JMJD1C: variants seen among roughly 807,000 people sequenced by gnomAD.
JMJD1C encodes the protein jumonji domain-containing protein 1C.
Under a neutral mutation model 245.3 loss-of-function variants are expected in JMJD1C, and 31 were observed. The observed-to-expected ratio is 0.13, with a 90% CI of 0.09 to 0.17. The LOEUF is 0.17. Among genes scored for constraint, JMJD1C ranks in the 10% least tolerant of loss-of-function variants. The probability of loss-of-function intolerance (pLI) is 1.00; values close to 1 mark genes in which losing one functional copy is unlikely to be tolerated. For synonymous variants in JMJD1C, 1,057 were observed against 1,017.4 expected (o/e 1.04, Z -0.74); for missense variants, 2,691 against 3,000.2 (o/e 0.90, Z 2.41).
chr10:63,318,662 A>C (rs1338131899), intron 2 of JMJD1C, among the ~76,000 whole-genome samples: 1 of 152,132 alleles, frequency 6.6e-6, no homozygotes, highest in African/African-American at 2.4e-5. Flanking sequence ...TGATTTTCTA[A>C]ACAAACTGGA....
chr10:63,254,416 T>C (rs1419731136), intron 3 of JMJD1C, among the ~76,000 whole-genome samples: 3 of 152,132 alleles, frequency 2.0e-5, no homozygotes, highest in Non-Finnish European at 2.9e-5. Flanking sequence ...AGGAAAGATA[T>C]TAACTATAAG....
chr10:63,489,993 CTG>C (rs1954116297), intron 1 of JMJD1C, among the ~76,000 whole-genome samples: 1 of 152,220 alleles, frequency 6.6e-6, no homozygotes, highest in Non-Finnish European at 1.5e-5. Context: ...CAGGAGGACA[CTG>C]TGAACTGAGC....
At chr10:63,186,193 A>G (rs761154328) in intron 19 of JMJD1C, 22 bp downstream of exon 19, 3 of 1,564,596 alleles carry the variant, frequency 1.9e-6, no homozygotes, top group Non-Finnish European at 1.7e-6. Context: ...TGGAGAAAAT[A>G]GTAAAATAAA....
intron 3 of JMJD1C, among the ~76,000 whole-genome samples, chr10:63,239,533 T>C (rs1173910999): frequency 6.6e-6 from 1 of 152,042 alleles, no homozygotes; most frequent in South Asian, 2.1e-4. Flanking sequence ...CAACCTCCGT[T>C]TCCTGGGTTC....
chr10:63,490,413 A>ATTTTTTTT (rs1487214754), intron 1 of JMJD1C, among the ~76,000 whole-genome samples: 1 of 123,650 alleles, frequency 8.1e-6, no homozygotes, highest in Non-Finnish European at 1.9e-5. Flanking sequence ...ATAATTATTT[A>ATTTTTTTT]TTTATTTTAT....
At chr10:63,261,351 G>A (rs939046682) in intron 3 of JMJD1C, among the ~76,000 whole-genome samples, 7 of 152,126 alleles carry the variant, frequency 4.6e-5, no homozygotes, top group South Asian at 4.1e-4. Flanking sequence ...AGGCCAAGGC[G>A]GGGTGGATCA....
chr10:63,317,376 G>C (rs1940217658), intron 2 of JMJD1C, among the ~76,000 whole-genome samples: 2 of 151,990 alleles, frequency 1.3e-5, no homozygotes, highest in African/African-American at 4.8e-5. Flanking sequence ...ACAGTGGCGT[G>C]TGCCTGTAAT....
At chr10:63,461,483 A>G (rs1053766468) in intron 1 of JMJD1C, among the ~76,000 whole-genome samples, 1 of 152,186 alleles carries the variant, frequency 6.6e-6, no homozygotes, top group Non-Finnish European at 1.5e-5. Context: ...GTGTAGACCC[A>G]AAAACAAAAA....
chr10:63,476,673 G>A (rs1451959170), intron 1 of JMJD1C, among the ~76,000 whole-genome samples: 1 of 152,126 alleles, frequency 6.6e-6, no homozygotes, highest in Non-Finnish European at 1.5e-5. Context: ...ACGCTGCAGT[G>A]AGTCATGATC....
chr10:63,321,911 T>G (rs1263477030), intron 2 of JMJD1C, among the ~76,000 whole-genome samples: 2 of 152,214 alleles, frequency 1.3e-5, no homozygotes, highest in African/African-American at 2.4e-5. Flanking sequence ...TCCACCAACC[T>G]AGGGGATTTC....
chr10:63,376,049 A>C (rs1440626524), intron 2 of JMJD1C, among the ~76,000 whole-genome samples: 1 of 152,230 alleles, frequency 6.6e-6, no homozygotes, highest in African/African-American at 2.4e-5. Context: ...ACTACAAAGC[A>C]ACAGTAATCA....
intron 2 of JMJD1C, among the ~76,000 whole-genome samples, chr10:63,320,959 G>A (rs894370589): frequency 6.6e-6 from 1 of 152,132 alleles, no homozygotes; most frequent in African/African-American, 2.4e-5. Flanking sequence ...GAGAGGAGAG[G>A]GGCTGAATTG....
At chr10:63,221,034 C>T (rs972735480) in intron 3 of JMJD1C, among the ~76,000 whole-genome samples, 3 of 148,686 alleles carry the variant, frequency 2.0e-5, no homozygotes, top group Non-Finnish European at 4.5e-5. Flanking sequence ...TGGTGTGAAC[C>T]GGAAGGTGGC....
chr10:63,484,486 G>T (rs1251193058), intron 1 of JMJD1C, among the ~76,000 whole-genome samples: 1 of 151,918 alleles, frequency 6.6e-6, no homozygotes, highest in African/African-American at 2.4e-5. Context: ...CCACTTCAGA[G>T]CAAGCACAGC....
chr10:63,497,192 AGAAAT>A (rs1010660575), intron 1 of JMJD1C, among the ~76,000 whole-genome samples: 7 of 152,170 alleles, frequency 4.6e-5, no homozygotes, highest in Admixed American at 6.5e-5. Context: ...AACACCCAAA[AGAAAT>A]GAAAACATAT....
Position 63,168,074 on chromosome 10 carries a change from C to T in JMJD1C, c.7594G>A (p.Asp2532Asn). Reference protein sequence around the residue: ...EMVRALKIHEDEVEDMEEN With the variant: ...EMVRALKIHENEVEDMEEN Reference sequence around the variant, plus strand: ...TTTTCTTCCATATCCTCTACTTCATCCTCGTGTATCTTCAAGGCTCTCACC... The same window carrying T: ...TTTTCTTCCATATCCTCTACTTCATTCTCGTGTATCTTCAAGGCTCTCACC... The change falls in exon 26 of 26, where the codon GAT (aspartate) becomes AAT (asparagine). Residue 2532 changes from aspartate to asparagine, a missense_variant. Transcript: ENST00000399262. 6.2e-7 allele frequency: 1 copy of T among 1,603,472 alleles called. No individual in the cohort carries two copies. Among genetic ancestry groups the T allele is most frequent in the South Asian group, 1.1e-5 (1 of 90,814 alleles).
intron 1 of JMJD1C, among the ~76,000 whole-genome samples, chr10:63,452,783 T>C (rs1021476573): frequency 1.1e-4 from 17 of 152,226 alleles, no homozygotes; most frequent in African/African-American, 3.6e-4. Flanking sequence ...CAGATAAACC[T>C]TGACATTATG....
chr10:63,475,053 G>A (rs892747004), intron 1 of JMJD1C, among the ~76,000 whole-genome samples: 1 of 152,098 alleles, frequency 6.6e-6, no homozygotes, highest in Admixed American at 6.5e-5. Flanking sequence ...ATGGTTAAGC[G>A]AGTATAAAAT....
intron 1 of JMJD1C, among the ~76,000 whole-genome samples, chr10:63,425,918 A>G (rs1950413049): frequency 6.6e-6 from 1 of 152,258 alleles, no homozygotes; most frequent in Non-Finnish European, 1.5e-5. Flanking sequence ...CCAAGGACAC[A>G]GCCCTACTGA....
Sources: gnomAD v4.1 joint callset for allele counts (sites outside exome capture counted in the v4.1 genomes callset) on GRCh38, gnomAD v4.1.1 for gene constraint, MANE v1.5 for transcripts, NCBI Gene and HGNC (gene_info 2026-07-23, HGNC 2026-07-21) for gene names.